The following EDNRB variants were observed in gnomAD, a reference collection of about 807,000 sequenced individuals.
The protein encoded by EDNRB is endothelin receptor type B.
In EDNRB, 18 loss-of-function variants were observed where a neutral mutation model predicts 46.4. The observed-to-expected ratio is 0.39, with a 90% confidence interval of 0.27 to 0.57. The LOEUF (loss-of-function observed/expected upper bound fraction) is 0.57. EDNRB is among the 20% of genes least tolerant of loss of function. EDNRB has a pLI of 0.61. For missense variants in EDNRB, 434 were observed against 537.5 expected (o/e 0.81, Z 1.90); for synonymous variants, 213 against 204.9 (o/e 1.04, Z -0.34).
upstream of EDNRB, among the ~76,000 whole-genome samples, chr13:77,923,014 G>A (rs1880129335): frequency 6.6e-6 from 1 of 152,124 alleles, no homozygotes; most frequent in African/African-American, 2.4e-5. Context: ...TTAAATGAGA[G>A]AATCTGACAT....
upstream of EDNRB, among the ~76,000 whole-genome samples, chr13:77,921,553 C>T (rs1241516691): frequency 1.3e-5 from 2 of 152,284 alleles, no homozygotes; most frequent in Middle Eastern, 3.4e-3. Flanking sequence ...GATTTGAATG[C>T]ATGTCTAAAT....
chr13:77,952,325 A>G (rs1241439036), intron 1 of EDNRB, among the ~76,000 whole-genome samples: 4 of 152,136 alleles, frequency 2.6e-5, no homozygotes, highest in Non-Finnish European at 5.9e-5. Context: ...TATATTTTGC[A>G]AAAAAATCAG....
Position 77,918,161 on chromosome 13 carries a change from A to T in EDNRB, c.413T>A (p.Ile138Asn). The T allele has an allele frequency of 6.2e-7, 1 of 1,614,166 alleles. No homozygotes were observed. Among genetic ancestry groups the T allele is most frequent in the Non-Finnish European group, 8.5e-7 (1 of 1,180,040 alleles). Residue 138 changes from isoleucine (I) to asparagine (N), a missense_variant, in exon 1 of 7, where the codon ATC becomes AAC. Transcript: ENST00000646607. This position sits in a 1 kb window ranked among gnomAD's most constrained non-coding sequence, Gnocchi z 4.5. The stretch of plus-strand genomic sequence containing the variant: ...TCCCAGAGCCAAGCTGGCGATCAAG[A>T]TATTGGGACCGTTTCGCATGCACTT... ...KNKCMRNGPN[I>N]LIASLALGDL... is the part of the protein sequence containing the mutation.
chr13:77,919,618 A>C (rs748395892), upstream of EDNRB: 2 of 1,596,252 alleles, frequency 1.3e-6, no homozygotes, highest in Admixed American at 1.7e-5. Context: ...TTATTCATTC[A>C]TCCCTTCCCA....
chr13:77,921,955 T>G (rs1254568821), upstream of EDNRB, among the ~76,000 whole-genome samples: 3 of 152,344 alleles, frequency 2.0e-5, no homozygotes, highest in East Asian at 5.8e-4. Context: ...GGATATAGTT[T>G]TTTTTTCATC....
chr13:77,937,039 T>C (rs1309605885), intron 1 of EDNRB, among the ~76,000 whole-genome samples: 2 of 152,190 alleles, frequency 1.3e-5, no homozygotes, highest in Admixed American at 6.5e-5. Flanking sequence ...TTTTTCCTAA[T>C]GTCAGGAGTG....
intron 1 of EDNRB, among the ~76,000 whole-genome samples, chr13:77,961,060 A>C (rs1465873260): frequency 6.6e-6 from 1 of 152,186 alleles, no homozygotes; most frequent in East Asian, 1.9e-4. Context: ...CTTAGAGACT[A>C]GAAAGAGACT....
rs1420823319 is a variant in EDNRB at position 77,937,640 on chromosome 13, A to G, written c.-51-19016T>C. Reference sequence around the variant, plus strand: ...GAAATTGTTGGGCAGGTGGGGGAAGAGCTAGTCGTGGGACTAAACTGTAAG... The same window carrying G: ...GAAATTGTTGGGCAGGTGGGGGAAGGGCTAGTCGTGGGACTAAACTGTAAG... On this transcript the variant is annotated intron_variant, in intron 1 of 7. Transcript: ENST00000646948. Among the ~76,000 whole-genome samples, 27 of 152,168 alleles carry G rather than the reference A, an allele frequency of 1.8e-4. 1 individual carries two copies. Among genetic ancestry groups the G allele is most frequent in the Admixed American group, 1.8e-3 (27 of 15,280 alleles).
At chr13:77,966,410 T>G (rs1017208239) in intron 1 of EDNRB, among the ~76,000 whole-genome samples, 4 of 152,184 alleles carry the variant, frequency 2.6e-5, no homozygotes, top group African/African-American at 9.7e-5. Flanking sequence ...CACTACTTCT[T>G]TGTATTCCCT....
chr13:77,904,379 C>A (rs567727639), intron 1 of EDNRB, among the ~76,000 whole-genome samples: 1 of 152,084 alleles, frequency 6.6e-6, no homozygotes, highest in Middle Eastern at 3.4e-3. Context: ...TGGCATAACA[C>A]ATTAACTTAT....
At chr13:77,924,732 T>A (rs1396515881), upstream of EDNRB, among the ~76,000 whole-genome samples, 1 of 152,144 alleles carries the variant, frequency 6.6e-6, no homozygotes, top group Non-Finnish European at 1.5e-5. Context: ...ATAATTCCCA[T>A]GTATTGTGGG....
At chr13:77,915,289 G>A (rs1260633405) in intron 1 of EDNRB, among the ~76,000 whole-genome samples, 1 of 152,164 alleles carries the variant, frequency 6.6e-6, no homozygotes, top group Non-Finnish European at 1.5e-5. Flanking sequence ...GCTGAAGGGG[G>A]TTTCAAGAGA....
At chr13:77,900,983 A>G in intron 4 of EDNRB, 75 bp downstream of exon 4, 1 of 1,548,628 alleles carries the variant, frequency 6.5e-7, no homozygotes, top group Non-Finnish European at 8.8e-7. Context: ...TTAGTTTATC[A>G]TCATCATCAT....
chr13:77,964,809 A>T (rs28494106), intron 1 of EDNRB, among the ~76,000 whole-genome samples: 3 of 145,080 alleles, frequency 2.1e-5, no homozygotes, highest in Non-Finnish European at 3.1e-5. Flanking sequence ...AAACTATATA[A>T]AAAAAAAAAG....
At chr13:77,954,457 A>G (rs1294135900) in intron 1 of EDNRB, among the ~76,000 whole-genome samples, 1 of 151,618 alleles carries the variant, frequency 6.6e-6, no homozygotes, top group African/African-American at 2.4e-5. Flanking sequence ...CACAAAAGGC[A>G]GGATTTTCTT....
At chr13:77,924,873 C>A (rs1332402574) in intron 1 of EDNRB, among the ~76,000 whole-genome samples, 1 of 152,132 alleles carries the variant, frequency 6.6e-6, no homozygotes, top group African/African-American at 2.4e-5. Context: ...TCCTTTTTGC[C>A]TGCTGCCATC....
At chr13:77,933,832 GT>G (rs1880473410) in intron 1 of EDNRB, among the ~76,000 whole-genome samples, 1 of 152,162 alleles carries the variant, frequency 6.6e-6, no homozygotes, top group Admixed American at 6.5e-5. Flanking sequence ...GAGTGATATT[GT>G]GGGACTGTTA....
chr13:77,911,122 A>G (rs1160260056), intron 1 of EDNRB, among the ~76,000 whole-genome samples: 1 of 152,002 alleles, frequency 6.6e-6, no homozygotes. Flanking sequence ...AAAAGATCCA[A>G]CTAAGGGAAA....
chr13:77,902,784 A>G (rs980460484), intron 3 of EDNRB, among the ~76,000 whole-genome samples: 16 of 151,990 alleles, frequency 1.1e-4, no homozygotes, highest in African/African-American at 3.1e-4. Flanking sequence ...TGTGAGACAC[A>G]ACCTTCTATA....
Sources: gnomAD v4.1 joint callset for allele counts (sites outside exome capture counted in the v4.1 genomes callset) on GRCh38, gnomAD v4.1.1 for gene constraint, Gnocchi (gnomAD v3.1) non-coding constraint, MANE v1.5 for transcripts, NCBI Gene and HGNC (gene_info 2026-07-23, HGNC 2026-07-21) for gene names.